The following SPTSSB variants were observed in gnomAD, a reference collection of about 807,000 sequenced individuals.
SPTSSB encodes the protein serine palmitoyltransferase small subunit B, also known as androgen down regulated in mouse prostate.
A neutral mutation model predicts 7.7 loss-of-function variants in SPTSSB; 6 were observed. The ratio of observed to expected loss-of-function variants is 0.78; its 90% confidence interval spans 0.43 to 1.54. SPTSSB has a LOEUF of 1.54. Ranked by LOEUF, SPTSSB falls within the 40% of genes most tolerant of loss-of-function variation. The pLI, the probability that SPTSSB is intolerant of heterozygous loss-of-function variation, is 0.01. For synonymous variants in SPTSSB, 28 were observed against 29.7 expected, an observed-to-expected ratio of 0.94 and a Z score of 0.19; for missense variants, 91 against 93.0, an observed-to-expected ratio of 0.98 and a Z score of 0.09.
At chr3:161,369,768 G>C (rs542648912) in intron 1 of SPTSSB, among the ~76,000 whole-genome samples, 1 of 152,158 alleles carries the variant, frequency 6.6e-6, no homozygotes, top group East Asian at 1.9e-4. Context: ...TCTAGGTTGA[G>C]AGGGGGCCCT....
At chr3:161,366,187 C>T (rs1041202021) in intron 1 of SPTSSB, among the ~76,000 whole-genome samples, 13 of 152,176 alleles carry the variant, frequency 8.5e-5, no homozygotes, top group Admixed American at 7.9e-4. Context: ...CAAAAGCAAA[C>T]TAATTCTCTG....
In SPTSSB at chr3:161,345,973, G is replaced by A. The variant is rs1714202518; in HGVS notation, c.*120C>T. On this transcript the variant is annotated 3_prime_UTR_variant, in exon 3 of 3. Transcript: ENST00000620149. ...AGGCAGAAAGGCAGAATATAAGAGT[G>A]CATAGAGAAGAGAGTGCTTTTCAGG... 3.2e-6 allele frequency: 2 copies of A among 629,088 alleles called. No homozygotes were observed. The highest frequency in any genetic ancestry group is 1.9e-5 in the South Asian group (1 of 53,070). 39.0% of individuals were successfully genotyped at this position (629,088 alleles called of 1,614,324 possible). A position where few individuals can be genotyped will look rare whatever the true frequency, so the allele number is the denominator to read the frequency against.
At chr3:161,353,183 A>G (rs984277545) in intron 2 of SPTSSB, among the ~76,000 whole-genome samples, 5 of 152,304 alleles carry the variant, frequency 3.3e-5, no homozygotes, top group African/African-American at 9.6e-5. Flanking sequence ...GTGATGTAGT[A>G]AGGAGAGTTG....
intron 1 of SPTSSB, among the ~76,000 whole-genome samples, chr3:161,368,316 G>A (rs1356864428): frequency 1.3e-5 from 2 of 152,016 alleles, no homozygotes; most frequent in East Asian, 3.8e-4. Context: ...GTGGTTTTTA[G>A]TATATTTACA....
At position 161,346,276 on chromosome 3, in the gene SPTSSB, T is replaced by C; in HGVS notation, c.48A>G (p.Gln16=). The change falls in exon 3 of 3, where the codon CAA becomes CAG. Residue 16 remains glutamine (Q), a synonymous_variant. Coordinates refer to ENST00000620149, the MANE Select transcript of SPTSSB (RefSeq NM_001040100.2). ...VKEYFSWLYY[Q]YQIISCCAVL... ...CAGCACAGCAGCTAATGATTTGGTA[T>C]TGATAGTAGAGCCAGGAGAAATATT... 6.2e-7 allele frequency: 1 copy of C among 1,614,008 alleles called. No homozygotes were observed. The highest frequency in any genetic ancestry group is 8.5e-7 in the Non-Finnish European group (1 of 1,179,894).
In SPTSSB at chr3:161,365,158, A is replaced by G. The variant is rs376982762; in HGVS notation, c.-125-5264T>C. 4.0e-4 allele frequency among the ~76,000 whole-genome samples: 61 copies of G among 152,354 alleles called. No homozygotes were observed. The East Asian group carries it at 8.3e-3, about 21-fold the overall frequency. On this transcript the variant is annotated intron_variant, in intron 1 of 2. Transcript: ENST00000620149. ...GTTTCGGAAGTTTGATAAGCACTTT[A>G]TATGAATTACTTTATGCAGCTCACT...
intron 2 of SPTSSB, among the ~76,000 whole-genome samples, chr3:161,354,382 A>T (rs1466284323): frequency 2.0e-5 from 3 of 152,236 alleles, no homozygotes; most frequent in South Asian, 2.1e-4. Context: ...TCGCTCTGTC[A>T]CTTAGGCTGG....
chr3:161,360,456 T>C (rs951296523), intron 1 of SPTSSB, among the ~76,000 whole-genome samples: 14 of 152,280 alleles, frequency 9.2e-5, no homozygotes, highest in African/African-American at 3.4e-4. Context: ...ATACAGTCTT[T>C]CTCAGTCTTT....
chr3:161,352,912 T>C (rs73162552), intron 2 of SPTSSB, among the ~76,000 whole-genome samples: 6,064 of 152,280 alleles, frequency 0.04, 138 homozygotes, highest in African/African-American at 0.055. Context: ...TTTTAAATCC[T>C]ATTGAAATAG....
chr3:161,371,342 G>A, intron 1 of SPTSSB, 93 bp downstream of exon 1: 2 of 813,784 alleles, frequency 2.5e-6, no homozygotes, highest in African/African-American at 1.9e-5. Flanking sequence ...TTGCATTAAA[G>A]CTCAGTATTA....
chr3:161,354,099 T>G (rs1338588603), intron 2 of SPTSSB, among the ~76,000 whole-genome samples: 1 of 152,226 alleles, frequency 6.6e-6, no homozygotes, highest in Non-Finnish European at 1.5e-5. Flanking sequence ...ATTCATTAGT[T>G]GGATAATTTT....
chr3:161,361,833 C>T (rs938619687), intron 1 of SPTSSB, among the ~76,000 whole-genome samples: 5 of 152,058 alleles, frequency 3.3e-5, no homozygotes, highest in Non-Finnish European at 7.4e-5. Context: ...CCATGAGCCT[C>T]GTAGGAAGAA....
rs371398069 is a variant in SPTSSB, at chr3:161,346,364, G to C, written c.-32-9C>G. 3.0e-6 allele frequency: 4 copies of C among 1,345,808 alleles called. No homozygotes were observed. In the African/African-American group the frequency reaches 5.7e-5, roughly 19 times the overall value. 83.4% of individuals were successfully genotyped at this position (1,345,808 alleles called of 1,614,324 possible). A position where few individuals can be genotyped will look rare whatever the true frequency, so the allele number is the denominator to read the frequency against. On this transcript the variant is annotated splice_polypyrimidine_tract_variant and intron_variant, in intron 2 of 2. Coordinates refer to ENST00000620149, the MANE Select transcript of SPTSSB (RefSeq NM_001040100.2). ...GCTGCAGTAAGTTTGTCCTGTTAAA[G>C]AATGTAACAGATTAGAGGATGAGGA...
intron 2 of SPTSSB, among the ~76,000 whole-genome samples, chr3:161,347,404 T>C (rs977593674): frequency 5.3e-5 from 8 of 151,798 alleles, no homozygotes; most frequent in African/African-American, 1.9e-4. Context: ...ATTACAGGCA[T>C]GCACCACCAT....
intron 1 of SPTSSB, among the ~76,000 whole-genome samples, chr3:161,368,692 C>T (rs1278149977): frequency 1.3e-5 from 2 of 152,140 alleles, no homozygotes; most frequent in Non-Finnish European, 2.9e-5. Flanking sequence ...TCCCAAAGTG[C>T]TGGGATTACA....
At chr3:161,355,354 G>A (rs139353586) in intron 2 of SPTSSB, among the ~76,000 whole-genome samples, 3 of 152,228 alleles carry the variant, frequency 2.0e-5, no homozygotes, top group African/African-American at 7.2e-5. Flanking sequence ...CATTAACAAT[G>A]GCATTAAAGC....
intron 1 of SPTSSB, among the ~76,000 whole-genome samples, chr3:161,369,103 G>A (rs1430283612): frequency 6.6e-6 from 1 of 152,066 alleles, no homozygotes; most frequent in Non-Finnish European, 1.5e-5. Context: ...GCTTGATTAT[G>A]TGGTAACTCT....
At chr3:161,369,321 T>TTTC in intron 1 of SPTSSB, among the ~76,000 whole-genome samples, 2 of 96,678 alleles carry the variant, frequency 2.1e-5, no homozygotes, top group Non-Finnish European at 4.0e-5. Context: ...TTTCTCTTTC[T>TTTC]TTCTTTCTTT....
rs544724633 is a variant in SPTSSB at position 161,346,958 on chromosome 3, G to A, written c.-32-603C>T. On this transcript the variant is annotated intron_variant, in intron 2 of 2. Coordinates refer to ENST00000620149, the MANE Select transcript of SPTSSB (RefSeq NM_001040100.2). ...GGCCAGAAGCTGTAGGGCCTAGTTG[G>A]ATAAGTTAACTGTTTTATCTTCAAC... Among the ~76,000 whole-genome samples the A allele has an allele frequency of 3.3e-5, 5 of 152,274 alleles. No individual in the cohort carries two copies. The East Asian group carries it at 9.7e-4, about 30-fold the overall frequency.
Sources: gnomAD v4.1 joint callset for allele counts (sites outside exome capture counted in the v4.1 genomes callset) on GRCh38, gnomAD v4.1.1 for gene constraint, MANE v1.5 for transcripts, NCBI Gene and HGNC (gene_info 2026-07-23, HGNC 2026-07-21) for gene names.